The following TPP2 variants were observed in gnomAD, a reference collection of about 807,000 sequenced individuals.
TPP2 encodes tripeptidyl peptidase 2.
Under a neutral mutation model 155.9 loss-of-function variants are expected in TPP2, and 34 were observed. The observed-to-expected ratio is 0.22, with a 90% CI of 0.17 to 0.29. TPP2 has a LOEUF of 0.29. Among genes scored for constraint, TPP2 ranks in the 10% least tolerant of loss-of-function variants. The probability of loss-of-function intolerance (pLI) is 1.00; values close to 1 mark genes in which losing one functional copy is unlikely to be tolerated. For synonymous variants in TPP2, 510 were observed against 529.4 expected, an observed-to-expected ratio of 0.96 and a Z score of 0.50; for missense variants, 1,028 against 1,522.3, an observed-to-expected ratio of 0.68 and a Z score of 5.40.
intron 27 of TPP2, among the ~76,000 whole-genome samples, chr13:102,672,702 A>G (rs923734035): frequency 6.6e-6 from 1 of 152,178 alleles, no homozygotes; most frequent in Non-Finnish European, 1.5e-5. Flanking sequence ...GACTGCTGAG[A>G]AGACATTTAA....
intron 1 of TPP2, among the ~76,000 whole-genome samples, chr13:102,600,286 G>A (rs991237469): frequency 6.6e-6 from 1 of 152,086 alleles, no homozygotes; most frequent in African/African-American, 2.4e-5. Context: ...CTTCCGTCAG[G>A]CTTCTACCAT....
intron 6 of TPP2, among the ~76,000 whole-genome samples, chr13:102,624,852 C>CTTTTTTTTTTTTTTTTTTT (rs1029486604): frequency 7.2e-5 from 6 of 83,422 alleles, no homozygotes; most frequent in Non-Finnish European, 1.3e-4. Flanking sequence ...TTTTTTTTTC[C>CTTTTTTTTTTTTTTTTTTT]TTTTTTTTTT....
chr13:102,671,008 CT>C (rs1222690903), intron 27 of TPP2, among the ~76,000 whole-genome samples: 1 of 152,134 alleles, frequency 6.6e-6, no homozygotes, highest in Non-Finnish European at 1.5e-5. Context: ...TTAGGAAAGT[CT>C]TTTCTAATGG....
intron 1 of TPP2, among the ~76,000 whole-genome samples, chr13:102,602,540 C>T (rs996793577): frequency 2.0e-5 from 3 of 152,122 alleles, no homozygotes; most frequent in African/African-American, 7.2e-5. Context: ...CTATCAGGCC[C>T]TCAGTTGTTC....
intron 16 of TPP2, among the ~76,000 whole-genome samples, chr13:102,640,641 A>ATTTTTTTT (rs5806315): frequency 0.017 from 1,447 of 84,226 alleles, 132 homozygotes; most frequent in Non-Finnish European, 0.023. Flanking sequence ...CCTGGTAATA[A>ATTTTTTTT]TTTTTTTTTT....
intron 16 of TPP2, among the ~76,000 whole-genome samples, chr13:102,642,611 C>T (rs1336182879): frequency 6.6e-6 from 1 of 152,052 alleles, no homozygotes; most frequent in Non-Finnish European, 1.5e-5. Context: ...CGGCATTGCG[C>T]CTTGCTTCAG....
chr13:102,675,468 T>C (rs1021369579), intron 28 of TPP2, among the ~76,000 whole-genome samples: 2 of 152,216 alleles, frequency 1.3e-5, no homozygotes, highest in African/African-American at 4.8e-5. Context: ...TAGGCTGTGA[T>C]GAATGAGTAT....
chr13:102,658,499 G>A (rs552352346), intron 25 of TPP2, among the ~76,000 whole-genome samples: 56 of 152,318 alleles, frequency 3.7e-4, no homozygotes, highest in African/African-American at 1.2e-3. Context: ...ATGACAGCCT[G>A]AGGAGACCCA....
intron 11 of TPP2, among the ~76,000 whole-genome samples, chr13:102,635,012 A>C (rs138020699): frequency 6.4e-4 from 98 of 152,322 alleles, no homozygotes; most frequent in African/African-American, 2.3e-3. Flanking sequence ...TGGAGAGGAC[A>C]AGAATGATAC....
At chr13:102,663,943 C>G (rs1884419922) in intron 26 of TPP2, among the ~76,000 whole-genome samples, 199 bp downstream of exon 26, 1 of 152,186 alleles carries the variant, frequency 6.6e-6, no homozygotes, top group African/African-American at 2.4e-5. Context: ...AGGATTCTTG[C>G]TCATGCTTGG....
intron 25 of TPP2, 81 bp from the exon 26 acceptor site, chr13:102,663,567 A>G: frequency 3.0e-6 from 3 of 1,001,882 alleles, no homozygotes; most frequent in Non-Finnish European, 4.2e-6. Context: ...TTAAACTTCC[A>G]AACAATGTTA....
Position 102,643,301 on chromosome 13 carries a change from A to G in TPP2, c.2100A>G (p.Ala700=), listed in dbSNP as rs764586916. The change falls in exon 17 of 30, where the codon GCA becomes GCG. Residue 700 remains alanine (A), a synonymous_variant. Transcript: ENST00000376052. ...CAGTCCAGCTTGTGAAGCAAAGAGC[A>G]TATCGAAGCCATGAATTCTATAAGT... The part of the protein sequence containing the change: ...LHAVQLVKQR[A]YRSHEFYKFC... The G allele has an allele frequency of 1.1e-5, 17 of 1,613,500 alleles. No homozygotes were observed. In the East Asian group the frequency reaches 2.9e-4, roughly 28 times the overall value.
intron 16 of TPP2, among the ~76,000 whole-genome samples, chr13:102,641,620 A>G (rs1953458144): frequency 6.6e-6 from 1 of 152,162 alleles, no homozygotes; most frequent in East Asian, 1.9e-4. Context: ...CTGGTCATCT[A>G]TCTGTATGCT....
intron 3 of TPP2, among the ~76,000 whole-genome samples, chr13:102,614,563 G>A (rs1193632749): frequency 1.3e-5 from 2 of 152,020 alleles, no homozygotes; most frequent in Admixed American, 6.6e-5. Context: ...CCACCTTTTC[G>A]TTTCTGTTCC....
rs556991997 is a variant in TPP2 at position 102,616,384 on chromosome 13, C to T, written c.391-12C>T. 1.3e-6 allele frequency: 2 copies of T among 1,599,068 alleles called. No individual in the cohort carries two copies. Among genetic ancestry groups the T allele is most frequent in the East Asian group, 2.2e-5 (1 of 44,534 alleles). ...TCAGCCTAATTGTAAGGTAATTTTT[C>T]TGTCTTTGCAGAAAGAACGGAAGGA... On this transcript the variant is annotated splice_polypyrimidine_tract_variant and intron_variant, in intron 3 of 29. Coordinates refer to ENST00000376052, the MANE Select transcript of TPP2 (RefSeq NM_001330588.2).
At chr13:102,656,561 G>A (rs1883872149) in intron 24 of TPP2, among the ~76,000 whole-genome samples, 1 of 152,068 alleles carries the variant, frequency 6.6e-6, no homozygotes, top group Non-Finnish European at 1.5e-5. Flanking sequence ...TCAGCATCTG[G>A]TCTGTTCTTT....
chr13:102,625,642 G>A (rs1881562774), intron 6 of TPP2, among the ~76,000 whole-genome samples: 1 of 152,162 alleles, frequency 6.6e-6, no homozygotes, highest in African/African-American at 2.4e-5. Context: ...TTAAACTTGT[G>A]CTCTCCCAAT....
At position 102,663,629 on chromosome 13, in the gene TPP2, C is replaced by G. The variant is rs1595210505; in HGVS notation, c.3144-19C>G. On this transcript the variant is annotated intron_variant, in intron 25 of 29. Transcript: ENST00000376052. Reference sequence around the variant, plus strand: ...TTAAAAGAAAAAAGTAAATATTTCTCTCCTTCTTACATACATAGGCTGGAT... The same window carrying G: ...TTAAAAGAAAAAAGTAAATATTTCTGTCCTTCTTACATACATAGGCTGGAT... 3 of 1,527,770 alleles carry G rather than the reference C, an allele frequency of 2.0e-6. No individual in the cohort carries two copies. Among genetic ancestry groups the G allele is most frequent in the Non-Finnish European group, 1.8e-6 (2 of 1,132,748 alleles). The allele number at this position is 1,527,770 out of a possible 1,614,324, so 94.6% of individuals were successfully genotyped here. A position where few individuals can be genotyped will look rare whatever the true frequency, so the allele number is the denominator to read the frequency against.
intron 4 of TPP2, among the ~76,000 whole-genome samples, chr13:102,617,521 T>C (rs1880838786): frequency 6.6e-6 from 1 of 152,180 alleles, no homozygotes; most frequent in African/African-American, 2.4e-5. Context: ...TTGCGTGAAA[T>C]TTAGTAATTA....
Sources: gnomAD v4.1 joint callset for allele counts (sites outside exome capture counted in the v4.1 genomes callset) on GRCh38, gnomAD v4.1.1 for gene constraint, MANE v1.5 for transcripts, NCBI Gene and HGNC (gene_info 2026-07-23, HGNC 2026-07-21) for gene names.